Variants in ZDHHC15 observed in about 807,000 individuals in gnomAD.
ZDHHC15 encodes the protein palmitoyltransferase ZDHHC15.
ZDHHC15 carries 19 observed loss-of-function variants against 31.7 expected under a neutral mutation model. The ratio of observed to expected loss-of-function variants is 0.60; its 90% confidence interval spans 0.42 to 0.88. The LOEUF (loss-of-function observed/expected upper bound fraction) is 0.88, where lower values mean the gene tolerates loss of function less well. Ranked by LOEUF, ZDHHC15 falls within the 40% of genes least tolerant of loss-of-function variation. The pLI is 0.00. For missense variants in ZDHHC15, 209 were observed against 251.2 expected (o/e 0.83, Z 1.14); for synonymous variants, 103 against 90.0 (o/e 1.14, Z -0.82).
At chrX:75,420,505 C>T (rs1036888048) in intron 9 of ZDHHC15, among the ~76,000 whole-genome samples, 5 of 111,350 alleles carry the variant, frequency 4.5e-5, no homozygotes, top group African/African-American at 9.8e-5. Flanking sequence ...CACATGCACA[C>T]GTATGTTTAT....
intron 2 of ZDHHC15, among the ~76,000 whole-genome samples, chrX:75,500,255 C>T (rs766987286): frequency 2.8e-5 from 3 of 105,963 alleles, no homozygotes; most frequent in Non-Finnish European, 5.8e-5. Context: ...ACCTGCTCCC[C>T]CAAAACTATT....
intron 2 of ZDHHC15, among the ~76,000 whole-genome samples, chrX:75,484,377 C>A (rs761043640): frequency 9.0e-6 from 1 of 111,206 alleles, no homozygotes; most frequent in Non-Finnish European, 1.9e-5. Flanking sequence ...TAAGACAACT[C>A]AATAAAAAAA....
intron 4 of ZDHHC15, among the ~76,000 whole-genome samples, chrX:75,442,761 T>C (rs912484972): frequency 9.5e-6 from 1 of 105,208 alleles, no homozygotes; most frequent in Admixed American, 1.0e-4. Flanking sequence ...CCGAGGCGGG[T>C]GGATCATGAG....
At chrX:75,433,228 C>T (rs1223157887) in intron 4 of ZDHHC15, among the ~76,000 whole-genome samples, 2 of 111,428 alleles carry the variant, frequency 1.8e-5, no homozygotes, top group African/African-American at 6.5e-5. Flanking sequence ...GCTTGCAGTT[C>T]CTTTTGCCTG....
chrX:75,434,459 G>A (rs1049001848), intron 4 of ZDHHC15, among the ~76,000 whole-genome samples: 1 of 111,772 alleles, frequency 8.9e-6, no homozygotes, highest in South Asian at 3.7e-4. Context: ...TAATGTTTAT[G>A]GTTTCAGGTC....
chrX:75,518,525 G>T (rs1299732062), intron 1 of ZDHHC15, among the ~76,000 whole-genome samples: 1 of 108,456 alleles, frequency 9.2e-6, no homozygotes, highest in East Asian at 2.9e-4. Flanking sequence ...CTTCTGTGCT[G>T]CTTGATGGGA....
intron 1 of ZDHHC15, among the ~76,000 whole-genome samples, chrX:75,510,685 C>T (rs1488651305): frequency 1.4e-3 from 116 of 84,566 alleles, no homozygotes; most frequent in African/African-American, 4.7e-3. Flanking sequence ...ACTAACGTGT[C>T]ATCTAGCATT....
chrX:75,451,023 C>A lies in ZDHHC15; in HGVS notation c.259-101G>T. ...CTTTAATGAAATTATTTGTTACCTA[C>A]CCTTGAAGCTCAGGTACCACTTAGT... On this transcript the variant is annotated intron_variant, in intron 3 of 11. Coordinates refer to ENST00000373367, the MANE Select transcript of ZDHHC15 (RefSeq NM_144969.3). The A allele has an allele frequency of 3.1e-6, 3 of 978,614 alleles. No individual in the cohort carries two copies. In the South Asian group the frequency reaches 7.6e-5, roughly 25 times the overall value. 80.6% of individuals were successfully genotyped at this position (978,614 alleles called of 1,213,427 possible). A position where few individuals can be genotyped will look rare whatever the true frequency, so the allele number is the denominator to read the frequency against.
intron 2 of ZDHHC15, among the ~76,000 whole-genome samples, chrX:75,498,459 G>A (rs921099161): frequency 1.8e-5 from 2 of 111,737 alleles, no homozygotes; most frequent in South Asian, 3.7e-4. Context: ...TATAAAATCA[G>A]TGTACATAAA....
chrX:75,430,563 A>C (rs2083768463), intron 5 of ZDHHC15, among the ~76,000 whole-genome samples: 1 of 112,097 alleles, frequency 8.9e-6, no homozygotes, highest in African/African-American at 3.2e-5. Context: ...AAATGTCCCA[A>C]GCAAAATAAC....
intron 7 of ZDHHC15, among the ~76,000 whole-genome samples, chrX:75,428,842 G>T (rs771135261): frequency 4.0e-4 from 45 of 111,712 alleles, no homozygotes; most frequent in Non-Finnish European, 7.3e-4. Context: ...GGTACCCAAA[G>T]GCCTTAGCAA....
intron 2 of ZDHHC15, 25 bp downstream of exon 2, chrX:75,505,796 A>C (rs200041316): frequency 2.2e-5 from 27 of 1,208,650 alleles, no homozygotes; most frequent in Non-Finnish European, 2.7e-5. Flanking sequence ...GGTCCTGATC[A>C]ATACAATTTC....
chrX:75,520,684 G>C (rs1353837623), intron 1 of ZDHHC15, among the ~76,000 whole-genome samples: 1 of 110,887 alleles, frequency 9.0e-6, no homozygotes, highest in Non-Finnish European at 1.9e-5. Flanking sequence ...AGTAAGGTCT[G>C]AGAATAGAAA....
intron 3 of ZDHHC15, among the ~76,000 whole-genome samples, chrX:75,470,314 T>A (rs955278645): frequency 8.9e-6 from 1 of 111,926 alleles, no homozygotes; most frequent in East Asian, 2.8e-4. Flanking sequence ...GGACTCGGAC[T>A]GGCTTTCCTT....
chrX:75,479,166 C>G (rs890697011), intron 2 of ZDHHC15, among the ~76,000 whole-genome samples, 181 bp from the exon 3 acceptor site: 1 of 111,630 alleles, frequency 9.0e-6, no homozygotes, highest in Non-Finnish European at 1.9e-5. Context: ...AATGACAAAC[C>G]TGAAACAAAG....
Position 75,505,816 on chromosome X carries a change from C to A in ZDHHC15, c.163+5G>T. On this transcript the variant is annotated splice_donor_5th_base_variant and intron_variant, in intron 2 of 11. Coordinates refer to ENST00000373367, the MANE Select transcript of ZDHHC15 (RefSeq NM_144969.3). Reference sequence around the variant, plus strand: ...TGATCAATACAATTTCCAACATCATCTTACCTTTTTCTGCTGGGCTCAAAA... The same window carrying A: ...TGATCAATACAATTTCCAACATCATATTACCTTTTTCTGCTGGGCTCAAAA... 2 of 1,208,919 alleles carry A rather than the reference C, an allele frequency of 1.7e-6. No individual in the cohort carries two copies. Among genetic ancestry groups the A allele is most frequent in the Non-Finnish European group, 2.2e-6 (2 of 893,881 alleles).
intron 2 of ZDHHC15, among the ~76,000 whole-genome samples, chrX:75,490,240 C>T (rs962520720): frequency 1.1e-4 from 12 of 111,170 alleles, no homozygotes; most frequent in Admixed American, 4.8e-4. Flanking sequence ...ATACAGAGAA[C>T]GCCACAAAGA....
Position 75,469,932 on chromosome X carries a change from A to C in ZDHHC15, c.258+8959T>G, listed in dbSNP as rs760914641. 5.8e-4 allele frequency among the ~76,000 whole-genome samples: 65 copies of C among 111,809 alleles called. 1 individual carries two copies. The highest frequency in any genetic ancestry group is 1.5e-4 in the Non-Finnish European group (8 of 53,203). On this transcript the variant is annotated intron_variant, in intron 3 of 11. Transcript: ENST00000373367. ...AGTAAGCCTTTTAAAAAAGATTTTA[A>C]TAAAGGGTGTGAGGTGGTATCTCAT...
intron 10 of ZDHHC15, among the ~76,000 whole-genome samples, chrX:75,415,905 C>A (rs944969568): frequency 8.9e-6 from 1 of 111,903 alleles, no homozygotes; most frequent in Non-Finnish European, 1.9e-5. Context: ...TATTTCAAAC[C>A]AGGTAAAGAC....
Sources: gnomAD v4.1 joint callset for allele counts (sites outside exome capture counted in the v4.1 genomes callset) on GRCh38, gnomAD v4.1.1 for gene constraint, MANE v1.5 for transcripts, NCBI Gene and HGNC (gene_info 2026-07-23, HGNC 2026-07-21) for gene names.